The following LOXHD1 variants were observed in gnomAD, a reference collection of about 807,000 sequenced individuals.
LOXHD1 encodes the protein lipoxygenase homology PLAT domains 1, also known as lipoxygenase homology domain-containing protein 1.
LOXHD1 carries 205 observed loss-of-function variants against 248.2 expected under a neutral mutation model. The observed-to-expected ratio is 0.83, with a 90% CI of 0.74 to 0.93. The LOEUF (loss-of-function observed/expected upper bound fraction) is 0.93, where lower values mean the gene tolerates loss of function less well. Ranked by LOEUF, LOXHD1 falls within the 40% of genes least tolerant of loss-of-function variation. The pLI is 0.00. For synonymous variants in LOXHD1, 1,113 were observed against 1,162.8 expected, an observed-to-expected ratio of 0.96 and a Z score of 0.87; for missense variants, 2,930 against 2,971.6, an observed-to-expected ratio of 0.99 and a Z score of 0.33.
chr18:46,582,674 C>G (rs1428273250), intron 12 of LOXHD1, among the ~76,000 whole-genome samples: 1 of 152,178 alleles, frequency 6.6e-6, no homozygotes, highest in Non-Finnish European at 1.5e-5. Context: ...GGCCATTCTG[C>G]AGAAACAGGG....
intron 17 of LOXHD1, among the ~76,000 whole-genome samples, chr18:46,564,647 G>A (rs955030410): frequency 6.6e-6 from 1 of 152,142 alleles, no homozygotes; most frequent in Admixed American, 6.5e-5. Flanking sequence ...TGGGGTAAGG[G>A]GAAGAGGTAG....
At chr18:46,494,425 A>C (rs1166510204) in intron 37 of LOXHD1, among the ~76,000 whole-genome samples, 2 of 152,234 alleles carry the variant, frequency 1.3e-5, no homozygotes, top group African/African-American at 4.8e-5. Flanking sequence ...CATTCTTGAC[A>C]ATAATCTTTG....
Position 46,489,152 on chromosome 18 carries a change from AGACACCATG to A in LOXHD1, c.5879-19_5879-11del. The A allele has an allele frequency of 1.3e-6, 2 of 1,551,654 alleles. No individual in the cohort carries two copies. Among genetic ancestry groups the A allele is most frequent in the Non-Finnish European group, 1.7e-6 (2 of 1,146,962 alleles). On this transcript the variant is annotated splice_polypyrimidine_tract_variant and intron_variant, in intron 37 of 40. Coordinates refer to ENST00000642948, the MANE Select transcript of LOXHD1 (RefSeq NM_001384474.1). ...CAGCCAGGAAATATCCCTGTGGAAAAGACACCATGGGGGTTGGAAGCTGGATGTGCCTTC... is the reference window on the plus strand; with the variant it reads ...CAGCCAGGAAATATCCCTGTGGAAAAGGGGTTGGAAGCTGGATGTGCCTTC...
intron 37 of LOXHD1, among the ~76,000 whole-genome samples, chr18:46,497,818 G>C (rs2033969531): frequency 6.6e-6 from 1 of 152,186 alleles, no homozygotes; most frequent in Non-Finnish European, 1.5e-5. Context: ...GTGGGCTCAA[G>C]CAAGGTAGTG....
chr18:46,550,312 G>A (rs776919694), intron 21 of LOXHD1, among the ~76,000 whole-genome samples: 44 of 151,842 alleles, frequency 2.9e-4, no homozygotes, highest in Non-Finnish European at 4.9e-4. Flanking sequence ...GGTGGCTCAC[G>A]CCAGTAATCC....
chr18:46,586,509 G>A (rs567056711), intron 12 of LOXHD1, among the ~76,000 whole-genome samples: 1 of 152,266 alleles, frequency 6.6e-6, no homozygotes, highest in South Asian at 2.1e-4. Flanking sequence ...GCAATGGCGC[G>A]ATCTCCGCTC....
At chr18:46,482,334 CT>C (rs2032649340) in intron 40 of LOXHD1, among the ~76,000 whole-genome samples, 1 of 152,064 alleles carries the variant, frequency 6.6e-6, no homozygotes, top group Non-Finnish European at 1.5e-5. Flanking sequence ...GGGTGGGGCC[CT>C]TATGATGGAA....
intron 34 of LOXHD1, among the ~76,000 whole-genome samples, chr18:46,516,642 C>T (rs2035263413): frequency 2.0e-5 from 3 of 152,040 alleles, no homozygotes; most frequent in Admixed American, 6.5e-5. Flanking sequence ...CCACTGCCAC[C>T]ATCATAATCA....
At chr18:46,625,778 G>T (rs117163480) in intron 4 of LOXHD1, among the ~76,000 whole-genome samples, 3,841 of 152,214 alleles carry the variant, frequency 0.025, 144 homozygotes, top group East Asian at 0.15. Context: ...TCCAGCCACT[G>T]CCCAGCCCTG....
intron 4 of LOXHD1, among the ~76,000 whole-genome samples, chr18:46,638,088 G>T (rs72915441): frequency 1.3e-5 from 2 of 152,018 alleles, no homozygotes; most frequent in Non-Finnish European, 2.9e-5. Context: ...TCCAAGGAGG[G>T]GTGTCGAGCA....
chr18:46,509,868 T>A, intron 34 of LOXHD1, 53 bp from the exon 35 acceptor site: 1 of 1,091,208 alleles, frequency 9.2e-7, no homozygotes, highest in Non-Finnish European at 1.3e-6. Flanking sequence ...TTGGGGAGGG[T>A]TGGGGTGGGC....
intron 38 of LOXHD1, among the ~76,000 whole-genome samples, chr18:46,488,174 G>T (rs2033203012): frequency 6.6e-6 from 1 of 152,188 alleles, no homozygotes. Flanking sequence ...ATAGGGAGTG[G>T]GAGGGGCTGC....
At chr18:46,560,046 A>G (rs1200403369) in intron 19 of LOXHD1, 37 bp downstream of exon 19, 69 of 691,022 alleles carry the variant, frequency 1.0e-4, no homozygotes, top group Middle Eastern at 3.0e-4. Flanking sequence ...CTGTCTGGCC[A>G]CTCCCTCCCC....
intron 14 of LOXHD1, among the ~76,000 whole-genome samples, chr18:46,574,145 A>G (rs1284827962): frequency 6.6e-6 from 1 of 152,000 alleles, no homozygotes; most frequent in Admixed American, 6.6e-5. Flanking sequence ...TGCTCCCTTC[A>G]TTCTCCACCA....
chr18:46,553,862 C>G (rs891559489), intron 21 of LOXHD1, among the ~76,000 whole-genome samples: 2 of 152,158 alleles, frequency 1.3e-5, no homozygotes, highest in Non-Finnish European at 2.9e-5. Flanking sequence ...CAGGGAGCCA[C>G]TGGGGGAAGG....
intron 40 of LOXHD1, among the ~76,000 whole-genome samples, chr18:46,480,657 C>T (rs1018748349): frequency 2.0e-5 from 3 of 152,082 alleles, no homozygotes; most frequent in Non-Finnish European, 4.4e-5. Flanking sequence ...GGAAGGTGTC[C>T]AGCCAGAGTA....
Position 46,546,922 on chromosome 18 carries a change from G to C in LOXHD1, c.3487C>G (p.Leu1163Val). The C allele has an allele frequency of 6.4e-7, 1 of 1,551,242 alleles. No individual in the cohort carries two copies. The highest frequency in any genetic ancestry group is 8.7e-7 in the Non-Finnish European group (1 of 1,146,602). Residue 1163 changes from leucine (L) to valine (V), a missense_variant, in exon 22 of 41, where the codon CTC becomes GTC. Physicochemically the swap from Leu to Val is conservative, Grantham distance 32. Transcript: ENST00000642948. ...TTCTGCTCCAGGGCCAGGTTGTCGA[G>C]GGGGTTGTTGTCACCGCCTCCCCTA... Reference protein sequence around the residue: ...EGRGGGDNNPLDNLALEQKDK... With the variant: ...EGRGGGDNNPVDNLALEQKDK...
intron 13 of LOXHD1, among the ~76,000 whole-genome samples, chr18:46,578,332 G>A (rs1456105114): frequency 1.3e-5 from 2 of 152,182 alleles, no homozygotes; most frequent in Non-Finnish European, 1.5e-5. Context: ...AAGTGTACAT[G>A]AGCACACCTG....
chr18:46,625,910 T>G (rs2038736001), intron 4 of LOXHD1, among the ~76,000 whole-genome samples: 1 of 152,122 alleles, frequency 6.6e-6, no homozygotes. Context: ...TTACTTCCCT[T>G]TCCAACCCAG....
Sources: allele counts gnomAD v4.1 joint callset (sites outside exome capture counted in the v4.1 genomes callset), GRCh38; gene constraint gnomAD v4.1.1; transcripts MANE v1.5; gene names NCBI Gene and HGNC (gene_info 2026-07-23, HGNC 2026-07-21).